L3MBTL4: variants seen among roughly 807,000 people sequenced by gnomAD.
L3MBTL4 encodes lethal(3)malignant brain tumor-like protein 4.
A neutral mutation model predicts 84.5 loss-of-function variants in L3MBTL4; 70 were observed. That is an observed-to-expected ratio of 0.83 (90% CI 0.68 to 1.01). The LOEUF (loss-of-function observed/expected upper bound fraction) is 1.01, where lower values mean the gene tolerates loss of function less well. L3MBTL4 is among the 50% of genes least tolerant of loss of function. The pLI is 0.00. For missense variants in L3MBTL4, 715 were observed against 754.8 expected, an observed-to-expected ratio of 0.95 and a Z score of 0.62; for synonymous variants, 274 against 259.8, an observed-to-expected ratio of 1.05 and a Z score of -0.52.
intron 16 of L3MBTL4, among the ~76,000 whole-genome samples, chr18:6,079,632 T>C (rs1227799977): frequency 6.6e-6 from 1 of 152,182 alleles, no homozygotes; most frequent in Non-Finnish European, 1.5e-5. Context: ...TGTGTATCTG[T>C]TTGAACAAGA....
intron 12 of L3MBTL4, among the ~76,000 whole-genome samples, chr18:6,196,737 A>G (rs1320346661): frequency 6.6e-6 from 1 of 152,154 alleles, no homozygotes; most frequent in African/African-American, 2.4e-5. Flanking sequence ...TGAACATCTT[A>G]CTATCTCAGT....
At chr18:6,165,701 G>A (rs1374786108) in intron 13 of L3MBTL4, among the ~76,000 whole-genome samples, 2 of 152,136 alleles carry the variant, frequency 1.3e-5, no homozygotes, top group Non-Finnish European at 2.9e-5. Flanking sequence ...GGAAAGGAAC[G>A]ACTGGTACCA....
intron 16 of L3MBTL4, among the ~76,000 whole-genome samples, chr18:5,977,260 T>G (rs2052987920): frequency 2.6e-5 from 4 of 152,226 alleles, no homozygotes; most frequent in South Asian, 2.1e-4. Flanking sequence ...AAGCTGCGGC[T>G]GTTCCTCCAG....
At position 6,020,860 on chromosome 18, in the gene L3MBTL4, G is replaced by A. The variant is rs1260045960; in HGVS notation, c.1445-51298C>T. ...CTGGGGTGGACGTGCTCACTAAGCA[G>A]AGGAAGGTCAAGGTGGGGATAGGAG... On this transcript the variant is annotated intron_variant, in intron 16 of 18. Transcript: ENST00000317931. Among the ~76,000 whole-genome samples, 3 of 152,188 alleles carry A rather than the reference G, an allele frequency of 2.0e-5. No individual in the cohort carries two copies. In the South Asian group the frequency reaches 6.2e-4, roughly 32 times the overall value.
intron 1 of L3MBTL4, among the ~76,000 whole-genome samples, chr18:6,332,202 C>A (rs182059707): frequency 3.3e-5 from 5 of 152,180 alleles, no homozygotes; most frequent in South Asian, 2.1e-4. Flanking sequence ...AAGCCCTGAG[C>A]GAGTCAGAGC....
At chr18:6,000,454 T>C (rs1187553025) in intron 16 of L3MBTL4, among the ~76,000 whole-genome samples, 2 of 152,068 alleles carry the variant, frequency 1.3e-5, no homozygotes, top group Non-Finnish European at 2.9e-5. Context: ...AGAATGGACC[T>C]TGCATAACCC....
chr18:5,997,899 A>T (rs530061542), intron 16 of L3MBTL4, among the ~76,000 whole-genome samples: 12 of 152,308 alleles, frequency 7.9e-5, no homozygotes, highest in African/African-American at 2.9e-4. Flanking sequence ...CAGGGACTCG[A>T]GTAGCTGCTT....
At chr18:5,982,263 C>T (rs2053266856) in intron 16 of L3MBTL4, among the ~76,000 whole-genome samples, 1 of 152,144 alleles carries the variant, frequency 6.6e-6, no homozygotes, top group African/African-American at 2.4e-5. Context: ...TTTGGCCCAG[C>T]TCCTGCCACC....
chr18:6,312,193 G>A (rs2050869722), intron 1 of L3MBTL4, 137 bp from the exon 2 acceptor site: 1 of 152,210 alleles, frequency 6.6e-6, no homozygotes, highest in South Asian at 2.1e-4. Flanking sequence ...CAACCGTTTT[G>A]GAGAACCAAC....
intron 3 of L3MBTL4, among the ~76,000 whole-genome samples, chr18:6,310,720 T>C (rs555029496): frequency 6.6e-6 from 1 of 152,302 alleles, no homozygotes; most frequent in African/African-American, 2.4e-5. Context: ...GGAGGTCTTC[T>C]GGTCATTCTG....
chr18:6,239,931 G>A (rs1599294596), intron 8 of L3MBTL4, 59 bp from the exon 9 acceptor site: 2 of 1,581,476 alleles, frequency 1.3e-6, no homozygotes, highest in East Asian at 2.2e-5. Flanking sequence ...AAATAGGACT[G>A]AGCCACTGTC....
intron 10 of L3MBTL4, among the ~76,000 whole-genome samples, chr18:6,235,045 A>T (rs1351800030): frequency 2.0e-5 from 3 of 152,162 alleles, no homozygotes; most frequent in African/African-American, 7.2e-5. Context: ...GGAAACCATC[A>T]TTCTGAGCAA....
chr18:6,183,967 A>AAACT (rs2044603830), intron 12 of L3MBTL4, among the ~76,000 whole-genome samples: 1 of 152,144 alleles, frequency 6.6e-6, no homozygotes, highest in African/African-American at 2.4e-5. Flanking sequence ...TTTATTGCAC[A>AAACT]GTTATATAAG....
chr18:6,020,641 A>G (rs1567991828), intron 16 of L3MBTL4, among the ~76,000 whole-genome samples: 3 of 152,244 alleles, frequency 2.0e-5, no homozygotes, highest in Non-Finnish European at 4.4e-5. Context: ...TTGCAAAAGC[A>G]GAGAGGGAGA....
At chr18:5,958,933 C>A (rs920819425) in intron 18 of L3MBTL4, among the ~76,000 whole-genome samples, 1 of 152,186 alleles carries the variant, frequency 6.6e-6, no homozygotes, top group Non-Finnish European at 1.5e-5. Flanking sequence ...ACAAAGCAAG[C>A]CTTGATCATC....
chr18:6,227,870 T>C (rs2046841327), intron 10 of L3MBTL4, among the ~76,000 whole-genome samples: 1 of 152,136 alleles, frequency 6.6e-6, no homozygotes, highest in Non-Finnish European at 1.5e-5. Context: ...TCTTGCCATG[T>C]TGCCCAGTCT....
At chr18:6,199,899 C>A (rs2045577065) in intron 12 of L3MBTL4, among the ~76,000 whole-genome samples, 1 of 152,180 alleles carries the variant, frequency 6.6e-6, no homozygotes, top group Admixed American at 6.5e-5. Flanking sequence ...GCTCTCACTG[C>A]AATACCCAGG....
At chr18:5,984,536 C>A (rs755477911) in intron 16 of L3MBTL4, among the ~76,000 whole-genome samples, 7 of 152,150 alleles carry the variant, frequency 4.6e-5, no homozygotes, top group Admixed American at 2.0e-4. Context: ...GTTGCTGTCA[C>A]AATGCAGGAA....
chr18:6,397,476 G>A (rs183910980), intron 1 of L3MBTL4: 3 of 152,204 alleles, frequency 2.0e-5, no homozygotes, highest in Admixed American at 1.3e-4. Flanking sequence ...ACTGTCCGAA[G>A]AGCCCAAATT....
Sources: allele counts gnomAD v4.1 joint callset (sites outside exome capture counted in the v4.1 genomes callset), GRCh38; gene constraint gnomAD v4.1.1; transcripts MANE v1.5; gene names NCBI Gene and HGNC (gene_info 2026-07-23, HGNC 2026-07-21).